PYCR3: variants seen among roughly 807,000 people sequenced by gnomAD.
PYCR3 encodes pyrroline-5-carboxylate reductase 3, also known as P5C reductase 3.
PYCR3 carries 26 observed loss-of-function variants against 23.4 expected under a neutral mutation model. The ratio of observed to expected loss-of-function variants is 1.11; its 90% confidence interval spans 0.81 to 1.54. The LOEUF (loss-of-function observed/expected upper bound fraction) is 1.54, where lower values mean the gene tolerates loss of function less well. Ranked by LOEUF, PYCR3 falls within the 40% of genes most tolerant of loss-of-function variation. PYCR3 has a pLI of 0.00. For synonymous variants in PYCR3, 194 were observed against 162.6 expected (o/e 1.19, Z -1.47); for missense variants, 360 against 376.3 (o/e 0.96, Z 0.36).
Position 143,605,970 on chromosome 8 carries a change from C to T in PYCR3, c.643-88G>A, listed in dbSNP as rs1829385288. The T allele has an allele frequency of 2.6e-6, 4 of 1,560,764 alleles. No individual in the cohort carries two copies. The Admixed American group carries it at 7.0e-5, about 27-fold the overall frequency. On this transcript the variant is annotated intron_variant, in intron 5 of 5. Coordinates refer to ENST00000495276, the MANE Select transcript of PYCR3 (RefSeq NM_023078.6). ...CCCTCGTTGCATCCCCCAACCTTGG[C>T]CCCAGCTTCTCGAGCCTGCTGTTTC...
rs923914661 is a variant in PYCR3, at chr8:143,604,790, G to T, written c.*910C>A. 4 of 436,198 alleles carry T rather than the reference G, an allele frequency of 9.2e-6. No individual in the cohort carries two copies. The highest frequency in any genetic ancestry group is 4.8e-5 in the South Asian group (3 of 62,188). The allele number at this position is 436,198 out of a possible 1,614,324, so 27.0% of individuals were successfully genotyped here. A position where few individuals can be genotyped will look rare whatever the true frequency, so the allele number is the denominator to read the frequency against. ...CTGACCTGCCGTCCGTTAGGGACAG[G>T]TGGAGGGGCCAAGTCTTGCCATCAG... On this transcript the variant is annotated 3_prime_UTR_variant, in exon 6 of 6. Transcript: ENST00000495276.
rs1166941573 is a variant in PYCR3 at position 143,606,160 on chromosome 8, G to A, written c.550-6C>T. 2.5e-6 allele frequency: 4 copies of A among 1,602,618 alleles called. No individual in the cohort carries two copies. Among genetic ancestry groups the A allele is most frequent in the Non-Finnish European group, 2.6e-6 (3 of 1,175,068 alleles). ...GCCTCGGAGAATGCACACACCTGTA[G>A]CCGCGGCATGGTGGTTGGGGGGGAT... On this transcript the variant is annotated splice_region_variant and splice_polypyrimidine_tract_variant and intron_variant, in intron 4 of 5. Transcript: ENST00000495276.
At chr8:143,608,665 A>C in intron 1 of PYCR3, 1 of 337,948 alleles carries the variant, frequency 3.0e-6, no homozygotes, top group South Asian at 2.2e-5. Flanking sequence ...AGGAAGGCAC[A>C]AGTGTACACC....
intron 1 of PYCR3, among the ~76,000 whole-genome samples, chr8:143,609,206 G>T (rs1481797699): frequency 3.9e-5 from 6 of 152,246 alleles, no homozygotes; most frequent in Non-Finnish European, 8.8e-5. Context: ...TCAGAGGCTG[G>T]AAGAGGTGAG....
In PYCR3 at chr8:143,604,618, G is replaced by C; in HGVS notation, c.*1082C>G. On this transcript the variant is annotated 3_prime_UTR_variant, in exon 6 of 6. Coordinates refer to ENST00000495276, the MANE Select transcript of PYCR3 (RefSeq NM_023078.6). ...GGAAGCCGAGAGCTGCAGCAGTTGG[G>C]GCCAGCGTGGGACTGGAGGCCCAGG... The C allele has an allele frequency of 3.2e-6, 1 of 308,744 alleles. No individual in the cohort carries two copies. The highest frequency in any genetic ancestry group is 6.3e-6 in the Non-Finnish European group (1 of 159,646). 19.1% of individuals were successfully genotyped at this position (308,744 alleles called of 1,614,324 possible).
chr8:143,609,035 A>C (rs1167724572), intron 1 of PYCR3, among the ~76,000 whole-genome samples: 1 of 152,202 alleles, frequency 6.6e-6, no homozygotes, highest in Non-Finnish European at 1.5e-5. Flanking sequence ...CCCCCCACCC[A>C]GGGGACATTC....
At chr8:143,607,206 G>T in intron 2 of PYCR3, 74 bp from the exon 3 acceptor site, 1 of 1,365,104 alleles carries the variant, frequency 7.3e-7, no homozygotes, top group Non-Finnish European at 9.8e-7. Context: ...AGCCCTTCCT[G>T]CTGGATGCCA....
intron 2 of PYCR3, among the ~76,000 whole-genome samples, chr8:143,607,814 T>C (rs1008089976): frequency 6.6e-6 from 1 of 151,882 alleles, no homozygotes; most frequent in Admixed American, 6.6e-5. Flanking sequence ...CACGTGCATA[T>C]ACACACACTC....
At chr8:143,607,544 T>C (rs556680885) in intron 2 of PYCR3, among the ~76,000 whole-genome samples, 1 of 151,028 alleles carries the variant, frequency 6.6e-6, no homozygotes, top group East Asian at 2.0e-4. Flanking sequence ...GAGCATGCAC[T>C]CATGTGTACA....
chr8:143,605,024 A>G lies in PYCR3; in HGVS notation c.*676T>C, dbSNP rs924524677. The G allele has an allele frequency of 6.7e-6, 3 of 449,150 alleles. No individual in the cohort carries two copies. The highest frequency in any genetic ancestry group is 6.0e-5 in the African/African-American group (3 of 49,650). The allele number at this position is 449,150 out of a possible 1,614,324, so 27.8% of individuals were successfully genotyped here. A position where few individuals can be genotyped will look rare whatever the true frequency, so the allele number is the denominator to read the frequency against. Reference sequence around the variant, plus strand: ...CAGACCTCAAGCCACCCCACCTACCACTGCCCACCTGGTGCCACCCCAGCA... The same window carrying G: ...CAGACCTCAAGCCACCCCACCTACCGCTGCCCACCTGGTGCCACCCCAGCA... On this transcript the variant is annotated 3_prime_UTR_variant, in exon 6 of 6. Transcript: ENST00000495276.
chr8:143,607,124 AC>A lies in PYCR3; in HGVS notation c.164del (p.Gly55ValfsTer53). ...CCTGGTTGGAGTGCGTGGTCCGGCA[AC>A]CCAGAGCCTGCGCCAGGGACACCAG... ...DRNLCHFQAL[G>X]CRTTHSNQEV... On this transcript the variant is annotated frameshift_variant, in exon 3 of 6. Transcript: ENST00000495276. LOFTEE classifies it high-confidence loss of function. 6.3e-7 allele frequency: 1 copy of A among 1,580,262 alleles called. No individual in the cohort carries two copies. Among genetic ancestry groups the A allele is most frequent in the East Asian group, 2.3e-5 (1 of 43,066 alleles).
At position 143,604,839 on chromosome 8, in the gene PYCR3, C is replaced by A; in HGVS notation, c.*861G>T. The A allele has an allele frequency of 2.2e-6, 1 of 462,792 alleles. No homozygotes were observed. The highest frequency in any genetic ancestry group is 3.4e-4 in the Middle Eastern group (1 of 2,962). The allele number at this position is 462,792 out of a possible 1,614,324, so 28.7% of individuals were successfully genotyped here. A position where few individuals can be genotyped will look rare whatever the true frequency, so the allele number is the denominator to read the frequency against. On this transcript the variant is annotated 3_prime_UTR_variant, in exon 6 of 6. Transcript: ENST00000495276. ...AGAGGCCAGTGTGGTGGTGCCAGAG[C>A]TACGGGGTATTCCAGGACCCCTGAC... is the stretch of plus-strand genomic sequence containing the variant.
In PYCR3 at chr8:143,606,054, T is replaced by A; in HGVS notation, c.642+8A>T. 6.2e-7 allele frequency: 1 copy of A among 1,604,894 alleles called. No individual in the cohort carries two copies. Among genetic ancestry groups the A allele is most frequent in the Non-Finnish European group, 8.5e-7 (1 of 1,176,110 alleles). On this transcript the variant is annotated splice_region_variant and intron_variant, in intron 5 of 5. Coordinates refer to ENST00000495276, the MANE Select transcript of PYCR3 (RefSeq NM_023078.6). ...TCCCGATGTTCCCCAGGGGCCACCC[T>A]CACTCACCAGCAGGGTCTGGGCAGC...
rs375102384 is a variant in PYCR3 at position 143,606,965 on chromosome 8, G to A, written c.324C>T (p.Ser108=). ...LVSVAAGVSL[S]TLEELLPPNT... is the part of the protein sequence containing the mutation. ...AAGGGACACTCACCTCCTCCAGGGT[G>A]CTCAGAGACACCCCAGCAGCCACGG... is the stretch of plus-strand genomic sequence containing the variant. Residue 108 remains serine (S), a synonymous_variant, in exon 3 of 6, where the codon AGC becomes AGT. Transcript: ENST00000495276. 1 of 1,604,664 alleles carries A rather than the reference G, an allele frequency of 6.2e-7. No homozygotes were observed. The highest frequency in any genetic ancestry group is 1.7e-5 in the Admixed American group (1 of 59,486).
chr8:143,608,899 C>T (rs1320192524), intron 1 of PYCR3: 7 of 456,682 alleles, frequency 1.5e-5, no homozygotes, highest in Admixed American at 1.2e-4. Flanking sequence ...AGTCAAAAGT[C>T]ACCCAGCTCT....
intron 1 of PYCR3, chr8:143,608,651 G>A: frequency 3.1e-6 from 1 of 320,814 alleles, no homozygotes; most frequent in South Asian, 2.4e-5. Flanking sequence ...TGGTAAGGTC[G>A]AACAGGAAGG....
Position 143,603,516 on chromosome 8 carries a change from G to C in PYCR3, c.*2184C>G, listed in dbSNP as rs1414281984. Among the ~76,000 whole-genome samples, 2 of 152,156 alleles carry C rather than the reference G, an allele frequency of 1.3e-5. No individual in the cohort carries two copies. Among genetic ancestry groups the C allele is most frequent in the Non-Finnish European group, 2.9e-5 (2 of 68,026 alleles). ...GGCTGGCTTGGGATCTCCACCTCCC[G>C]AGCTGAGCTCACCTAGTGCCCAGGG... On this transcript the variant is annotated 3_prime_UTR_variant, in exon 6 of 6. Coordinates refer to ENST00000495276, the MANE Select transcript of PYCR3 (RefSeq NM_023078.6).
rs2131398960 is a variant in PYCR3, at chr8:143,606,547, C to T, written c.469G>A (p.Glu157Lys). 1 of 1,612,982 alleles carries T rather than the reference C, an allele frequency of 6.2e-7. No individual in the cohort carries two copies. Among genetic ancestry groups the T allele is most frequent in the East Asian group, 2.2e-5 (1 of 44,886 alleles). Residue 157 changes from glutamate (E) to lysine (K), a missense_variant, in exon 4 of 6, where the codon GAG (glutamate) becomes AAG (lysine). Coordinates refer to ENST00000495276, the MANE Select transcript of PYCR3 (RefSeq NM_023078.6). The stretch of plus-strand genomic sequence containing the variant: ...ACCTCCTCACACCGCCCACAGGCCT[C>T]CAGCAGATGCTGCAGGAGCTTGGTC... ...SETKLLQHLL[E>K]ACGRCEEVPE...
chr8:143,605,909 C>A, intron 5 of PYCR3, 27 bp from the exon 6 acceptor site: 1 of 1,589,494 alleles, frequency 6.3e-7, no homozygotes, highest in South Asian at 1.1e-5. Flanking sequence ...GGCCTGGTGA[C>A]GGGGGGAGGT....
Sources: allele counts gnomAD v4.1 joint callset (sites outside exome capture counted in the v4.1 genomes callset), GRCh38; gene constraint gnomAD v4.1.1; transcripts MANE v1.5; gene names NCBI Gene and HGNC (gene_info 2026-07-23, HGNC 2026-07-21).